DNAH12: variants seen among roughly 807,000 people sequenced by gnomAD.
DNAH12 encodes the protein axonemal beta dynein heavy chain 12.
DNAH12 carries 285 observed loss-of-function variants against 371.5 expected under a neutral mutation model. That is an observed-to-expected ratio of 0.77 (90% CI 0.70 to 0.85). The LOEUF (loss-of-function observed/expected upper bound fraction) is 0.85. Among genes scored for constraint, DNAH12 ranks in the 40% least tolerant of loss-of-function variants. The pLI, the probability that DNAH12 is intolerant of heterozygous loss-of-function variation, is 0.00. For missense variants in DNAH12, 3,611 were observed against 3,689.4 expected, an observed-to-expected ratio of 0.98 and a Z score of 0.55; for synonymous variants, 1,200 against 1,213.0, an observed-to-expected ratio of 0.99 and a Z score of 0.22.
At chr3:57,421,752 G>C (rs555643948) in intron 35 of DNAH12, 46 bp from the exon 36 acceptor site, 10 of 1,546,760 alleles carry the variant, frequency 6.5e-6, no homozygotes, top group Middle Eastern at 1.7e-4. Flanking sequence ...ATTTTAAAAG[G>C]CATTTTAGGA....
chr3:57,521,483 A>G (rs2068439672), intron 4 of DNAH12, among the ~76,000 whole-genome samples: 1 of 152,132 alleles, frequency 6.6e-6, no homozygotes, highest in South Asian at 2.1e-4. Flanking sequence ...GGCAGCAAAG[A>G]GAGACCCCTG....
chr3:57,498,430 C>T (rs1473695454), intron 11 of DNAH12: 1 of 704,626 alleles, frequency 1.4e-6, no homozygotes, highest in Non-Finnish European at 2.6e-6. Context: ...AATCCTTTCA[C>T]CTCAGCCTCC....
intron 2 of DNAH12, among the ~76,000 whole-genome samples, chr3:57,539,174 C>T (rs1424868052): frequency 1.3e-5 from 2 of 152,244 alleles, no homozygotes; most frequent in East Asian, 3.8e-4. Flanking sequence ...TCTTCCTCTC[C>T]ACCTCAGTCT....
At chr3:57,520,115 T>C in intron 4 of DNAH12, 3 of 476,404 alleles carry the variant, frequency 6.3e-6, no homozygotes, top group Non-Finnish European at 7.7e-6. Flanking sequence ...CCTATTTTCT[T>C]TTCCTTTCTT....
Position 57,419,406 on chromosome 3 carries a change from C to G in DNAH12, c.5675G>C (p.Arg1892Thr). 1 of 1,511,700 alleles carries G rather than the reference C, an allele frequency of 6.6e-7. No homozygotes were observed. The highest frequency in any genetic ancestry group is 8.8e-7 in the Non-Finnish European group (1 of 1,134,886). 93.6% of individuals were successfully genotyped at this position (1,511,700 alleles called of 1,614,324 possible). The change falls in exon 37 of 74, where the codon AGA becomes ACA. Residue 1892 changes from arginine (R) to threonine (T), a missense_variant. Coordinates refer to ENST00000495027, the MANE Select transcript of DNAH12 (RefSeq NM_001366028.2). ...ACTCAAATCCATTAGAAACGTATAT[C>G]TAATTGTGTCCATCGTAGGGACTAT... ...DIIVPTMDTI[R>T]YTFLMDLSIT...
intron 2 of DNAH12, among the ~76,000 whole-genome samples, chr3:57,533,232 T>C (rs1339058498): frequency 2.7e-5 from 4 of 150,682 alleles, no homozygotes; most frequent in East Asian, 2.0e-4. Context: ...CTTCAGGGCA[T>C]TGGGCTCCCC....
In DNAH12 at chr3:57,405,069, T is replaced by C. The variant is rs1553680594; in HGVS notation, c.6655A>G (p.Ile2219Val). 1 of 1,546,978 alleles carries C rather than the reference T, an allele frequency of 6.5e-7. No homozygotes were observed. The highest frequency in any genetic ancestry group is 8.7e-7 in the Non-Finnish European group (1 of 1,145,540). The change falls in exon 42 of 74, where the codon ATT becomes GTT. Residue 2219 changes from isoleucine (I) to valine (V), a missense_variant. Around this residue, in one of 3 missense-constraint regions of DNAH12, gnomAD observed 2,266 missense variants for 2,236.9 expected, o/e 1.01. Transcript: ENST00000495027. ...PDLEGDDRVYIEIPNIHHFSD... is the reference protein window; with the variant it reads ...PDLEGDDRVYVEIPNIHHFSD... ...AAATGATGAATATTTGGAATTTCAA[T>C]ATAAACTCTATCATCTCCTTCAAGG...
chr3:57,443,229 C>T (rs2065365809), intron 29 of DNAH12, among the ~76,000 whole-genome samples: 1 of 152,172 alleles, frequency 6.6e-6, no homozygotes, highest in South Asian at 2.1e-4. Flanking sequence ...CCTGTCTCAG[C>T]CTTCCAAGAA....
At chr3:57,315,488 A>G (rs1276430892) in intron 65 of DNAH12, among the ~76,000 whole-genome samples, 2 of 151,194 alleles carry the variant, frequency 1.3e-5, no homozygotes, top group African/African-American at 4.9e-5. Flanking sequence ...GATCTAATTT[A>G]CATGTATTTT....
intron 12 of DNAH12, among the ~76,000 whole-genome samples, chr3:57,488,645 C>T (rs898064864): frequency 3.3e-5 from 5 of 151,998 alleles, no homozygotes; most frequent in Admixed American, 6.6e-5. Flanking sequence ...ACTTTGCTTC[C>T]GGGAAAATAA....
intron 32 of DNAH12, among the ~76,000 whole-genome samples, chr3:57,430,048 C>G (rs1432611525): frequency 6.6e-6 from 1 of 151,928 alleles, no homozygotes; most frequent in Non-Finnish European, 1.5e-5. Context: ...AGACAAAGTC[C>G]AAAACCTATA....
rs572458882 is a variant in DNAH12 at position 57,426,666 on chromosome 3, CA to C, written c.5254-1526del. ...CCAACATAGCAAAACCTCATCTCTA[CA>C]AAAAAAAAAATATACAAAAATTAGC... is the stretch of plus-strand genomic sequence containing the variant. On this transcript the variant is annotated intron_variant, in intron 34 of 73. Transcript: ENST00000495027. 1.6e-3 allele frequency among the ~76,000 whole-genome samples: 234 copies of C among 141,970 alleles called. 3 individuals carry two copies. The East Asian group carries it at 0.024, about 14-fold the overall frequency. The allele number at this position is 141,970 out of a possible 152,430, so 93.1% of individuals were successfully genotyped here. A position where few individuals can be genotyped will look rare whatever the true frequency, so the allele number is the denominator to read the frequency against.
intron 59 of DNAH12, among the ~76,000 whole-genome samples, chr3:57,353,249 A>C (rs1374634156): frequency 1.3e-5 from 2 of 152,070 alleles, no homozygotes; most frequent in Non-Finnish European, 2.9e-5. Context: ...TGTAATACTT[A>C]TGGGAATATA....
At chr3:57,376,655 T>TC (rs1340351272) in intron 53 of DNAH12, among the ~76,000 whole-genome samples, 2 of 152,122 alleles carry the variant, frequency 1.3e-5, no homozygotes, top group African/African-American at 4.8e-5. Flanking sequence ...CATTCACTGA[T>TC]CCCTCCAAAC....
intron 59 of DNAH12, among the ~76,000 whole-genome samples, chr3:57,353,773 A>G: frequency 6.6e-6 from 1 of 152,320 alleles, no homozygotes; most frequent in African/African-American, 2.4e-5. Context: ...CATATGAAAA[A>G]ATGCTTAAAA....
chr3:57,500,488 T>G (rs2067502554), intron 11 of DNAH12, among the ~76,000 whole-genome samples: 1 of 152,238 alleles, frequency 6.6e-6, no homozygotes, highest in South Asian at 2.1e-4. Flanking sequence ...ATATTCTAAA[T>G]CTTCCATGTA....
chr3:57,342,507 A>AAAAAAAAAAC, intron 60 of DNAH12, among the ~76,000 whole-genome samples: 1 of 145,796 alleles, frequency 6.9e-6, no homozygotes, highest in Non-Finnish European at 1.5e-5. Context: ...AAAAAAAAAA[A>AAAAAAAAAAC]ATTAGCCGGG....
intron 4 of DNAH12, among the ~76,000 whole-genome samples, chr3:57,514,885 A>G (rs1218403139): frequency 1.3e-5 from 2 of 152,222 alleles, no homozygotes; most frequent in African/African-American, 4.8e-5. Flanking sequence ...TAAGTACAAA[A>G]GACTATAGGT....
At position 57,415,188 on chromosome 3, in the gene DNAH12, G is replaced by A. The variant is rs185530934; in HGVS notation, c.5853+238C>T. 7.1e-4 allele frequency among the ~76,000 whole-genome samples: 107 copies of A among 151,018 alleles called. 2 individuals carry two copies. Among genetic ancestry groups the A allele is most frequent in the African/African-American group, 2.4e-3 (99 of 41,254 alleles). The stretch of plus-strand genomic sequence containing the variant: ...TATTCCCTTTACCAGTTAAGAAATC[G>A]TTGCTTCTTCTCAGGCTTAAAAAAA... On this transcript the variant is annotated intron_variant, in intron 38 of 73. Transcript: ENST00000495027.
Sources: allele counts gnomAD v4.1 joint callset (sites outside exome capture counted in the v4.1 genomes callset), GRCh38; gene constraint gnomAD v4.1.1; regional missense constraint gnomAD v4.1.1; transcripts MANE v1.5; gene names NCBI Gene and HGNC (gene_info 2026-07-23, HGNC 2026-07-21).